Variants in RSRC1 observed in about 807,000 individuals in gnomAD.
RSRC1 encodes arginine and serine rich coiled-coil 1.
In RSRC1, 39 loss-of-function variants were observed where a neutral mutation model predicts 49.1. The ratio of observed to expected loss-of-function variants is 0.79; its 90% CI spans 0.61 to 1.04. RSRC1 has a LOEUF of 1.04. Among genes scored for constraint, RSRC1 ranks in the 50% least tolerant of loss-of-function variants. RSRC1 has a pLI of 0.00. For missense variants in RSRC1, 388 were observed against 402.4 expected, an observed-to-expected ratio of 0.96 and a Z score of 0.31; for synonymous variants, 143 against 130.8, an observed-to-expected ratio of 1.09 and a Z score of -0.63.
intron 4 of RSRC1, among the ~76,000 whole-genome samples, chr3:158,223,774 C>T (rs1382595036): frequency 6.6e-6 from 1 of 151,654 alleles, no homozygotes; most frequent in Non-Finnish European, 1.5e-5. Flanking sequence ...CAGTTTATCT[C>T]ACGCCACTCA....
chr3:158,242,677 G>A (rs1475915441), intron 4 of RSRC1, among the ~76,000 whole-genome samples: 1 of 151,932 alleles, frequency 6.6e-6, no homozygotes, highest in Non-Finnish European at 1.5e-5. Context: ...CACTGTAAAA[G>A]TGTTCCTTTT....
intron 3 of RSRC1, among the ~76,000 whole-genome samples, chr3:158,174,692 C>T (rs1452592786): frequency 6.6e-6 from 1 of 151,962 alleles, no homozygotes; most frequent in Admixed American, 6.6e-5. Context: ...AATGTTGTTT[C>T]ATGTAGCTCT....
At chr3:158,418,594 C>G (rs1040557727) in intron 6 of RSRC1, among the ~76,000 whole-genome samples, 24 of 152,006 alleles carry the variant, frequency 1.6e-4, no homozygotes, top group Non-Finnish European at 4.4e-5. Context: ...ATGAGGTTCG[C>G]TCCTAGATAG....
chr3:158,294,586 G>T (rs1002547452), intron 4 of RSRC1, among the ~76,000 whole-genome samples: 4 of 151,784 alleles, frequency 2.6e-5, no homozygotes, highest in Non-Finnish European at 5.9e-5. Context: ...TAAAAGGAGG[G>T]GTAAAAACCT....
At chr3:158,424,789 C>A (rs1314568590) in intron 6 of RSRC1, among the ~76,000 whole-genome samples, 1 of 152,112 alleles carries the variant, frequency 6.6e-6, no homozygotes, top group East Asian at 1.9e-4. Flanking sequence ...GATTCAACTT[C>A]TTCCTGGCTT....
chr3:158,535,401 C>T (rs1220314223), intron 7 of RSRC1, among the ~76,000 whole-genome samples: 1 of 151,242 alleles, frequency 6.6e-6, no homozygotes, highest in African/African-American at 2.4e-5. Flanking sequence ...TTTCAAAATC[C>T]TAAAATCTTT....
At chr3:158,409,902 T>C (rs1467933341) in intron 6 of RSRC1, among the ~76,000 whole-genome samples, 1 of 149,674 alleles carries the variant, frequency 6.7e-6, no homozygotes, top group Admixed American at 6.8e-5. Flanking sequence ...CATCTGCCCA[T>C]AGGATACAAT....
At position 158,539,057 on chromosome 3, in the gene RSRC1, T is replaced by A. The variant is rs1436562874; in HGVS notation, c.759+1859T>A. Among the ~76,000 whole-genome samples the A allele has an allele frequency of 6.6e-6, 1 of 152,000 alleles. No individual in the cohort carries two copies. Among genetic ancestry groups the A allele is most frequent in the African/African-American group, 2.4e-5 (1 of 41,438 alleles). ...AGGTAAATTATCTTGTGGACCCTTT[T>A]ATCCAGATCATGGAAGGATATGATG... is the stretch of plus-strand genomic sequence containing the variant. On this transcript the variant is annotated intron_variant, in intron 8 of 9. Transcript: ENST00000611884. The surrounding 1 kb of genome is among the most constrained non-coding windows in gnomAD (Gnocchi z 4.1).
At chr3:158,422,970 A>T (rs1405246671) in intron 6 of RSRC1, among the ~76,000 whole-genome samples, 1 of 152,090 alleles carries the variant, frequency 6.6e-6, no homozygotes, top group African/African-American at 2.4e-5. Flanking sequence ...TAGATTCTGG[A>T]TATTAGCCCT....
At chr3:158,144,355 A>G (rs1578130095) in intron 3 of RSRC1, among the ~76,000 whole-genome samples, 2 of 151,792 alleles carry the variant, frequency 1.3e-5, no homozygotes, top group African/African-American at 2.4e-5. Flanking sequence ...TCATTGTTCA[A>G]TTCCCACCTG....
chr3:158,487,797 A>G (rs59973640), intron 7 of RSRC1, among the ~76,000 whole-genome samples: 2,326 of 151,624 alleles, frequency 0.015, 79 homozygotes, highest in African/African-American at 0.054. Context: ...TAAAAATACA[A>G]AAATTAGCCG....
chr3:158,453,966 T>A (rs1737186982), intron 6 of RSRC1, among the ~76,000 whole-genome samples: 1 of 152,128 alleles, frequency 6.6e-6, no homozygotes, highest in Non-Finnish European at 1.5e-5. Context: ...TAAACTATTC[T>A]TTTCTTTCTT....
intron 6 of RSRC1, among the ~76,000 whole-genome samples, chr3:158,446,150 T>A (rs569089206): frequency 6.6e-6 from 1 of 152,250 alleles, no homozygotes; most frequent in Non-Finnish European, 1.5e-5. Context: ...TATCTGTTTT[T>A]AAATGCAGAG....
At chr3:158,529,045 A>C (rs1362515475) in intron 7 of RSRC1, among the ~76,000 whole-genome samples, 1 of 151,664 alleles carries the variant, frequency 6.6e-6, no homozygotes, top group African/African-American at 2.4e-5. Flanking sequence ...AAACTTTTTA[A>C]ATTCATTTAC....
chr3:158,293,154 T>C (rs1727035416), intron 4 of RSRC1, among the ~76,000 whole-genome samples: 1 of 152,122 alleles, frequency 6.6e-6, no homozygotes, highest in African/African-American at 2.4e-5. Context: ...GCTTTATGTA[T>C]ATGCAAACCT....
At chr3:158,451,498 A>T (rs1379310477) in intron 6 of RSRC1, among the ~76,000 whole-genome samples, 2 of 151,984 alleles carry the variant, frequency 1.3e-5, no homozygotes, top group East Asian at 3.9e-4. Context: ...TTCCGGTGTG[A>T]CCTAGAAAGA....
chr3:158,511,493 G>C (rs189348884), intron 7 of RSRC1, among the ~76,000 whole-genome samples: 1 of 152,122 alleles, frequency 6.6e-6, no homozygotes, highest in Non-Finnish European at 1.5e-5. Context: ...TGGTGTATAT[G>C]TGCCACATTT....
intron 1 of RSRC1, among the ~76,000 whole-genome samples, chr3:158,121,103 A>G (rs1051859626): frequency 2.6e-5 from 4 of 151,958 alleles, no homozygotes; most frequent in African/African-American, 9.7e-5. Context: ...TTAAATACTA[A>G]TTTTCATATG....
chr3:158,158,320 A>G (rs935930194), intron 3 of RSRC1, among the ~76,000 whole-genome samples: 17 of 152,190 alleles, frequency 1.1e-4, no homozygotes, highest in African/African-American at 3.9e-4. Flanking sequence ...GTATATGTAG[A>G]TGTGTCAGGG....
Sources: gnomAD v4.1 joint callset for allele counts (sites outside exome capture counted in the v4.1 genomes callset) on GRCh38, gnomAD v4.1.1 for gene constraint, Gnocchi (gnomAD v3.1) non-coding constraint, MANE v1.5 for transcripts, NCBI Gene and HGNC (gene_info 2026-07-23, HGNC 2026-07-21) for gene names.